PRMT3: variants seen among roughly 807,000 people sequenced by gnomAD.
PRMT3 encodes protein arginine N-methyltransferase 3.
In PRMT3, 62 loss-of-function variants were observed where a neutral mutation model predicts 71.9. The observed-to-expected ratio is 0.86, with a 90% CI of 0.70 to 1.07. The LOEUF (loss-of-function observed/expected upper bound fraction) is 1.07, where lower values mean the gene tolerates loss of function less well. Ranked by LOEUF, PRMT3 falls within the 50% of genes least tolerant of loss-of-function variation. The pLI, the probability that PRMT3 is intolerant of heterozygous loss-of-function variation, is 0.00. For synonymous variants in PRMT3, 213 were observed against 220.4 expected (o/e 0.97, Z 0.30); for missense variants, 663 against 643.0 (o/e 1.03, Z -0.34).
At chr11:20,406,299 T>A (rs1035169779) in intron 8 of PRMT3, 3 of 152,212 alleles carry the variant, frequency 2.0e-5, no homozygotes, top group Non-Finnish European at 2.9e-5. Flanking sequence ...AAAGAAGACT[T>A]CATGTTCAGT....
intron 9 of PRMT3, among the ~76,000 whole-genome samples, chr11:20,411,251 G>A (rs74761974): frequency 0.079 from 11,961 of 152,060 alleles, 604 homozygotes; most frequent in East Asian, 0.2. Context: ...TCCTCTGTCT[G>A]TAATCATTGA....
intron 2 of PRMT3, among the ~76,000 whole-genome samples, chr11:20,389,046 C>A (rs6483665): frequency 0.91 from 137,838 of 152,242 alleles, 63,284 homozygotes; most frequent in Non-Finnish European, 0.99. Flanking sequence ...CCAGTGGTAC[C>A]GTGGCTGTGA....
At chr11:20,424,113 G>A (rs1220519944) in intron 9 of PRMT3, among the ~76,000 whole-genome samples, 2 of 150,844 alleles carry the variant, frequency 1.3e-5, no homozygotes, top group African/African-American at 4.9e-5. Context: ...AAACCCGGGA[G>A]GTGGAGCTTA....
rs534730953 is a variant in PRMT3, at chr11:20,392,933, C to T, written c.334C>T (p.Pro112Ser). ...TGAGTACATGAATTCCATATACAACCCAGTGCCTTGGGAGAAAGAAGAGTA... is the reference window on the plus strand; with the variant it reads ...TGAGTACATGAATTCCATATACAACTCAGTGCCTTGGGAGAAAGAAGAGTA... ...TVEYMNSIYN[P>S]VPWEKEEYLK... Residue 112 changes from proline (P) to serine (S), a missense_variant, in exon 5 of 16, where the codon CCA becomes TCA. By Grantham distance (74) the Pro-to-Ser change is moderately conservative. Transcript: ENST00000331079. 2 of 1,605,948 alleles carry T rather than the reference C, an allele frequency of 1.2e-6. No individual in the cohort carries two copies. Among genetic ancestry groups the T allele is most frequent in the East Asian group, 2.2e-5 (1 of 44,794 alleles).
In PRMT3 at chr11:20,402,913, C is replaced by G. The variant is rs1318551246; in HGVS notation, c.706-6C>G. 3.1e-6 allele frequency: 5 copies of G among 1,604,434 alleles called. No individual in the cohort carries two copies. The highest frequency in any genetic ancestry group is 4.3e-6 in the Non-Finnish European group (5 of 1,171,632). On this transcript the variant is annotated splice_polypyrimidine_tract_variant and splice_region_variant and intron_variant, in intron 7 of 15. Coordinates refer to ENST00000331079, the MANE Select transcript of PRMT3 (RefSeq NM_005788.4). ...TAAACACAGCGTTTTCCTCTCTCCA[C>G]CCTAGGACAAAATACGAACAGAAAG...
At chr11:20,481,160 C>G (rs1899483) in intron 13 of PRMT3, among the ~76,000 whole-genome samples, 103,089 of 151,902 alleles carry the variant, frequency 0.68, 36,276 homozygotes, top group South Asian at 0.79. Flanking sequence ...TATGCTATTC[C>G]TTGAGGCTGT....
intron 15 of PRMT3, among the ~76,000 whole-genome samples, chr11:20,494,742 T>A (rs1351703938): frequency 9.9e-5 from 15 of 152,162 alleles, no homozygotes; most frequent in African/African-American, 1.7e-4. Flanking sequence ...TTAAGAAAAA[T>A]TTTTAAGTCT....
At chr11:20,442,044 C>T (rs1849919880) in intron 10 of PRMT3, among the ~76,000 whole-genome samples, 1 of 152,226 alleles carries the variant, frequency 6.6e-6, no homozygotes, top group Non-Finnish European at 1.5e-5. Context: ...CTGCCTGCCT[C>T]AGCCTCCCAA....
At chr11:20,407,096 G>A (rs1232298888) in intron 8 of PRMT3, 1 of 152,152 alleles carries the variant, frequency 6.6e-6, no homozygotes, top group Non-Finnish European at 1.5e-5. Context: ...TACCATGTAT[G>A]GTGTCACCAG....
intron 9 of PRMT3, among the ~76,000 whole-genome samples, chr11:20,419,211 A>G (rs892620411): frequency 1.3e-5 from 2 of 152,244 alleles, no homozygotes; most frequent in African/African-American, 2.4e-5. Context: ...TTTGTGTAGC[A>G]GTATCTCATT....
At chr11:20,499,037 T>C (rs1440122960) in intron 15 of PRMT3, among the ~76,000 whole-genome samples, 1 of 152,254 alleles carries the variant, frequency 6.6e-6, no homozygotes, top group African/African-American at 2.4e-5. Context: ...TAAAAAGCTT[T>C]ATTTTTTCAT....
At chr11:20,436,796 C>T (rs933462002) in intron 10 of PRMT3, among the ~76,000 whole-genome samples, 1 of 151,760 alleles carries the variant, frequency 6.6e-6, no homozygotes, top group African/African-American at 2.4e-5. Flanking sequence ...ATGCTAACCT[C>T]ATAGAATGAG....
intron 9 of PRMT3, among the ~76,000 whole-genome samples, chr11:20,410,361 G>A (rs1406128154): frequency 2.0e-5 from 3 of 151,884 alleles, no homozygotes; most frequent in East Asian, 1.9e-4. Flanking sequence ...TAAACACTTC[G>A]TGATATATTA....
intron 3 of PRMT3, among the ~76,000 whole-genome samples, chr11:20,391,250 T>A (rs1214804901): frequency 6.6e-6 from 1 of 152,150 alleles, no homozygotes; most frequent in East Asian, 1.9e-4. Context: ...TTTTTTGTTT[T>A]TGTTTTTTTT....
At chr11:20,404,349 T>A (rs1208491311) in intron 8 of PRMT3, among the ~76,000 whole-genome samples, 2 of 149,154 alleles carry the variant, frequency 1.3e-5, no homozygotes, top group Non-Finnish European at 3.0e-5. Flanking sequence ...TTCTCCTGCG[T>A]CAGCCTCTGG....
At chr11:20,504,188 TAATAA>T (rs1290843800) in intron 15 of PRMT3, among the ~76,000 whole-genome samples, 1 of 152,220 alleles carries the variant, frequency 6.6e-6, no homozygotes, top group East Asian at 1.9e-4. Flanking sequence ...ATTTAAAAGT[TAATAA>T]TAGTTCATCT....
chr11:20,493,803 GA>G, intron 13 of PRMT3, 115 bp from the exon 14 acceptor site: 1 of 671,874 alleles, frequency 1.5e-6, no homozygotes, highest in Admixed American at 3.1e-5. Flanking sequence ...TTGAGTTTAA[GA>G]GGTATTTAGT....
rs184055195 is a variant in PRMT3, at chr11:20,503,972, A to C, written c.1487-4332A>C. ...ACACCATTGTGAATTCAGTTGTTCC[A>C]CATCATTTTTAACACTTATAAAAAA... is the stretch of plus-strand genomic sequence containing the variant. On this transcript the variant is annotated intron_variant, in intron 15 of 15. Coordinates refer to ENST00000331079, the MANE Select transcript of PRMT3 (RefSeq NM_005788.4). 1.6e-3 allele frequency among the ~76,000 whole-genome samples: 237 copies of C among 152,274 alleles called. 1 individual carries two copies. The highest frequency in any genetic ancestry group is 5.5e-3 in the African/African-American group (228 of 41,558).
intron 15 of PRMT3, among the ~76,000 whole-genome samples, chr11:20,497,103 G>A (rs1175268777): frequency 2.0e-5 from 3 of 152,118 alleles, no homozygotes; most frequent in Non-Finnish European, 4.4e-5. Flanking sequence ...TTTAAAGGCA[G>A]TACTAGTTCA....
Sources: allele counts gnomAD v4.1 joint callset (sites outside exome capture counted in the v4.1 genomes callset), GRCh38; gene constraint gnomAD v4.1.1; transcripts MANE v1.5; gene names NCBI Gene and HGNC (gene_info 2026-07-23, HGNC 2026-07-21).